SIGLEC7: variants seen among roughly 807,000 people sequenced by gnomAD.
SIGLEC7 encodes the protein sialic acid-binding Ig-like lectin 7.
SIGLEC7 carries 33 observed loss-of-function variants against 40.8 expected under a neutral mutation model. That is an observed-to-expected ratio of 0.81 (90% confidence interval 0.61 to 1.08). The LOEUF is 1.08. SIGLEC7 is among the 50% of genes least tolerant of loss of function. The pLI, the probability that SIGLEC7 is intolerant of heterozygous loss-of-function variation, is 0.00. For synonymous variants in SIGLEC7, 242 were observed against 237.6 expected (o/e 1.02, Z -0.17); for missense variants, 513 against 576.1 (o/e 0.89, Z 1.12).
chr19:51,149,078 T>C (rs1042554825), intron 6 of SIGLEC7, among the ~76,000 whole-genome samples: 2 of 152,272 alleles, frequency 1.3e-5, no homozygotes, highest in African/African-American at 4.8e-5. Flanking sequence ...CTTTGCCTAA[T>C]GCATAGTTTG....
intron 6 of SIGLEC7, among the ~76,000 whole-genome samples, chr19:51,151,707 C>T (rs1031995046): frequency 6.6e-6 from 1 of 152,090 alleles, no homozygotes; most frequent in Admixed American, 6.5e-5. Flanking sequence ...GGGTCCTCTG[C>T]TGCTGAAAAG....
intron 1 of SIGLEC7, 46 bp from the exon 2 acceptor site, chr19:51,144,360 A>C: frequency 6.4e-7 from 1 of 1,561,686 alleles, no homozygotes; most frequent in Non-Finnish European, 8.6e-7. Flanking sequence ...CCAGGGCTGT[A>C]CCATGGATCC....
rs1599832238 is a variant in SIGLEC7, at chr19:51,146,105, G to C, written c.1011G>C (p.Leu337=). 1 of 1,614,160 alleles carries C rather than the reference G, an allele frequency of 6.2e-7. No homozygotes were observed. The highest frequency in any genetic ancestry group is 8.5e-7 in the Non-Finnish European group (1 of 1,180,016). Residue 337 remains leucine (L), a synonymous_variant, in exon 4 of 7, where the codon CTG becomes CTC. Coordinates refer to ENST00000317643, the MANE Select transcript of SIGLEC7 (RefSeq NM_014385.4). The stretch of plus-strand genomic sequence containing the variant: ...AGCACGTTTCCCTGAACCTCTCCCT[G>C]CAACAGGAGTACACAGGTGGGTAAG... The part of the protein sequence containing the change: ...GSQHVSLNLS[L]QQEYTGKMRP...
rs62115968 is a variant in SIGLEC7 at position 51,148,246 on chromosome 19, G to T, written c.1221+929G>T. ...CAGGTTTGTTACATACATAAACTCT[G>T]GTCAGAGGGGTTTGTGGTACAGATT... On this transcript the variant is annotated intron_variant, in intron 6 of 6. Coordinates refer to ENST00000317643, the MANE Select transcript of SIGLEC7 (RefSeq NM_014385.4). Among the ~76,000 whole-genome samples, 294 of 152,248 alleles carry T rather than the reference G, an allele frequency of 1.9e-3. 1 individual carries two copies. Among genetic ancestry groups the T allele is most frequent in the Admixed American group, 3.3e-3 (50 of 15,296 alleles).
intron 4 of SIGLEC7, among the ~76,000 whole-genome samples, chr19:51,146,484 A>T (rs1394067584): frequency 6.6e-6 from 1 of 152,240 alleles, no homozygotes; most frequent in Non-Finnish European, 1.5e-5. Context: ...ATAATATTGG[A>T]TGTGATTATC....
At position 51,144,413 on chromosome 19, in the gene SIGLEC7, C is replaced by G. The variant is rs746078342; in HGVS notation, c.441C>G (p.Thr147=). The G allele has an allele frequency of 1.6e-5, 26 of 1,608,356 alleles. 1 individual carries two copies. In the South Asian group the frequency reaches 2.4e-4, roughly 15 times the overall value. Residue 147 remains threonine (T), a synonymous_variant, in exon 2 of 7, where the codon ACC becomes ACG. Coordinates refer to ENST00000317643, the MANE Select transcript of SIGLEC7 (RefSeq NM_014385.4). The part of the protein sequence containing the change: ...DQLSVNVTAL[T]HRPNILIPGT... ...TCCCCCTCTCTTCACCAGCCTTGAC[C>G]CACAGGCCCAACATCCTTATCCCCG...
In SIGLEC7 at chr19:51,142,722, C is replaced by G; in HGVS notation, c.353C>G (p.Ala118Gly). The change falls in exon 1 of 7, where the codon GCG (alanine) becomes GGG (glycine). Residue 118 changes from alanine (A) to glycine (G), a missense_variant. Coordinates refer to ENST00000317643, the MANE Select transcript of SIGLEC7 (RefSeq NM_014385.4). This position sits in a 1 kb window ranked among gnomAD's most constrained non-coding sequence, Gnocchi z 5.0. ...ATCAGAGATGCCAGAATGAGTGATG[C>G]GGGGAGATACTTCTTTCGTATGGAG... ...LSIRDARMSD[A>G]GRYFFRMEKG... 2 of 1,613,920 alleles carry G rather than the reference C, an allele frequency of 1.2e-6. No homozygotes were observed. Among genetic ancestry groups the G allele is most frequent in the Non-Finnish European group, 1.7e-6 (2 of 1,179,930 alleles).
At position 51,144,722 on chromosome 19, in the gene SIGLEC7, G is replaced by T. The variant is rs749210431; in HGVS notation, c.712+38G>T. 3 of 1,602,864 alleles carry T rather than the reference G, an allele frequency of 1.9e-6. No homozygotes were observed. In the Admixed American group the frequency reaches 5.0e-5, roughly 27 times the overall value. On this transcript the variant is annotated intron_variant, in intron 2 of 6. Transcript: ENST00000317643. ...CCAGGACGCCCTGGTCCCTGATGAG[G>T]GGGGGACGTCCCTGAGGGCAGAGGA...
At chr19:51,149,982 T>C (rs948263085) in intron 6 of SIGLEC7, among the ~76,000 whole-genome samples, 1 of 152,226 alleles carries the variant, frequency 6.6e-6, no homozygotes. Context: ...ACTAGTGATT[T>C]TTCTATATTG....
At chr19:51,147,394 C>T in intron 6 of SIGLEC7, 77 bp downstream of exon 6, 1 of 1,246,972 alleles carries the variant, frequency 8.0e-7, no homozygotes, top group African/African-American at 1.5e-5. Context: ...GATTTCTCTG[C>T]TTATCATGGC....
At chr19:51,150,320 T>C (rs1476237297) in intron 6 of SIGLEC7, among the ~76,000 whole-genome samples, 1 of 152,226 alleles carries the variant, frequency 6.6e-6, no homozygotes, top group African/African-American at 2.4e-5. Context: ...GATATGTTCC[T>C]TTAATACCTA....
At chr19:51,146,200 G>C in intron 4 of SIGLEC7, 79 bp downstream of exon 4, 1 of 1,544,574 alleles carries the variant, frequency 6.5e-7, no homozygotes, top group South Asian at 1.2e-5. Flanking sequence ...GAGCTTCAAG[G>C]GGGAGCTCAG....
chr19:51,145,981 A>C lies in SIGLEC7; in HGVS notation c.887A>C (p.Tyr296Ser). The C allele has an allele frequency of 6.2e-7, 1 of 1,614,016 alleles. No individual in the cohort carries two copies. The highest frequency in any genetic ancestry group is 8.5e-7 in the Non-Finnish European group (1 of 1,180,000). ...TGGACCTGGAGGAGTCTGACCCTGTACCCCTCACAGCCCTCAAACCCTCTG... is the reference window on the plus strand; with the variant it reads ...TGGACCTGGAGGAGTCTGACCCTGTCCCCCTCACAGCCCTCAAACCCTCTG... ...LSWTWRSLTL[Y>S]PSQPSNPLVL... The change falls in exon 4 of 7, where the codon TAC becomes TCC. Residue 296 changes from tyrosine (Y) to serine (S), a missense_variant. Coordinates refer to ENST00000317643, the MANE Select transcript of SIGLEC7 (RefSeq NM_014385.4). This position sits in a 1 kb window ranked among gnomAD's most constrained non-coding sequence, Gnocchi z 4.3.
rs1209375128 is a variant in SIGLEC7, at chr19:51,145,321, G to A, written c.760+362G>A. ...TCTTTTGGATACATGCTATAATCAC[G>A]TGGGCAAAAATTTTAAATTCACAGT... On this transcript the variant is annotated intron_variant, in intron 3 of 6. Transcript: ENST00000317643. This position sits in a 1 kb window ranked among gnomAD's most constrained non-coding sequence, Gnocchi z 4.3. Among the ~76,000 whole-genome samples, 2 of 152,090 alleles carry A rather than the reference G, an allele frequency of 1.3e-5. No homozygotes were observed. The highest frequency in any genetic ancestry group is 2.9e-5 in the Non-Finnish European group (2 of 68,038).
At chr19:51,152,918 T>TG (rs2122925853) in intron 6 of SIGLEC7, 145 bp from the exon 7 acceptor site, 1 of 530,894 alleles carries the variant, frequency 1.9e-6, no homozygotes, top group East Asian at 3.1e-5. Context: ...AAAATGAACG[T>TG]GGGATAGAGG....
chr19:51,145,061 T>A lies in SIGLEC7; in HGVS notation c.760+102T>A. 8.5e-7 allele frequency: 1 copy of A among 1,169,676 alleles called. No individual in the cohort carries two copies. Among genetic ancestry groups the A allele is most frequent in the Non-Finnish European group, 1.3e-6 (1 of 783,058 alleles). The allele number at this position is 1,169,676 out of a possible 1,614,324, so 72.5% of individuals were successfully genotyped here. ...TGGACTCACCCTGGTGATATGAGAC[T>A]CCCTTGTAGTTGAACCCAGGCCTCC... is the stretch of plus-strand genomic sequence containing the variant. On this transcript the variant is annotated intron_variant, in intron 3 of 6. Transcript: ENST00000317643. This position sits in a 1 kb window ranked among gnomAD's most constrained non-coding sequence, Gnocchi z 4.3.
At chr19:51,151,126 T>C (rs932902462) in intron 6 of SIGLEC7, among the ~76,000 whole-genome samples, 1 of 151,838 alleles carries the variant, frequency 6.6e-6, no homozygotes, top group Non-Finnish European at 1.5e-5. Context: ...AGGCAGAAGG[T>C]GGTGTTGGCT....
chr19:51,146,377 C>T (rs562182953), intron 4 of SIGLEC7, among the ~76,000 whole-genome samples: 38 of 152,266 alleles, frequency 2.5e-4, no homozygotes, highest in Admixed American at 1.4e-3. Flanking sequence ...ACGTGCCTTG[C>T]TTTCCAGTGC....
At chr19:51,149,063 T>C (rs1599834348) in intron 6 of SIGLEC7, among the ~76,000 whole-genome samples, 1 of 152,372 alleles carries the variant, frequency 6.6e-6, no homozygotes, top group South Asian at 2.1e-4. Flanking sequence ...TGCTGGATAT[T>C]AGACCTTTGC....
Sources: gnomAD v4.1 joint callset for allele counts (sites outside exome capture counted in the v4.1 genomes callset) on GRCh38, gnomAD v4.1.1 for gene constraint, Gnocchi (gnomAD v3.1) non-coding constraint, MANE v1.5 for transcripts, NCBI Gene and HGNC (gene_info 2026-07-23, HGNC 2026-07-21) for gene names.